ADAM23: variants seen among roughly 807,000 people sequenced by gnomAD.
ADAM23 encodes the protein disintegrin and metalloproteinase domain-containing protein 23.
In ADAM23, 33 loss-of-function variants were observed where a neutral mutation model predicts 120.1. That is an observed-to-expected ratio of 0.27 (90% CI 0.21 to 0.37). The LOEUF (loss-of-function observed/expected upper bound fraction) is 0.37, where lower values mean the gene tolerates loss of function less well. Ranked by LOEUF, ADAM23 falls within the 10% of genes least tolerant of loss-of-function variation. ADAM23 has a pLI of 1.00. For missense variants in ADAM23, 862 were observed against 1,058.2 expected (o/e 0.81, Z 2.57); for synonymous variants, 367 against 375.2 (o/e 0.98, Z 0.25).
intron 3 of ADAM23, among the ~76,000 whole-genome samples, chr2:206,521,274 A>T (rs958459076): frequency 1.3e-5 from 2 of 152,124 alleles, no homozygotes; most frequent in Non-Finnish European, 2.9e-5. Flanking sequence ...TATTCAGGGA[A>T]CATCTGTCTC....
chr2:206,483,552 A>G (rs967171478), intron 3 of ADAM23, among the ~76,000 whole-genome samples: 3 of 152,050 alleles, frequency 2.0e-5, no homozygotes, highest in Non-Finnish European at 2.9e-5. Context: ...AGGTAAGAGG[A>G]GGGGAGAAGA....
chr2:206,549,069 C>A (rs1697459658), intron 8 of ADAM23, among the ~76,000 whole-genome samples: 1 of 151,800 alleles, frequency 6.6e-6, no homozygotes, highest in Non-Finnish European at 1.5e-5. Context: ...AGAATTAATT[C>A]CACAGCTTAT....
chr2:206,484,617 G>C (rs1695968551), intron 3 of ADAM23, among the ~76,000 whole-genome samples: 1 of 152,122 alleles, frequency 6.6e-6, no homozygotes, highest in Non-Finnish European at 1.5e-5. Flanking sequence ...GTCTGGGTTA[G>C]AAGGGAGATG....
chr2:206,545,520 C>T (rs1463815588), intron 6 of ADAM23, among the ~76,000 whole-genome samples: 1 of 152,032 alleles, frequency 6.6e-6, no homozygotes, highest in East Asian at 1.9e-4. Context: ...AATTTTGAAA[C>T]AGCTAACAGT....
chr2:206,475,739 T>C (rs1409068432), intron 2 of ADAM23, among the ~76,000 whole-genome samples: 1 of 152,062 alleles, frequency 6.6e-6, no homozygotes, highest in Non-Finnish European at 1.5e-5. Context: ...AATTTTCAAA[T>C]CTGCCTTCTC....
In ADAM23 at chr2:206,552,328, C is replaced by G. The variant is rs533141048; in HGVS notation, c.933+2168C>G. Reference sequence around the variant, plus strand: ...TAATATATCAGGAAAGTACATGAAGCTATCAATCAAAAGAGCAAATCTCAG... The same window carrying G: ...TAATATATCAGGAAAGTACATGAAGGTATCAATCAAAAGAGCAAATCTCAG... On this transcript the variant is annotated intron_variant, in intron 9 of 25. Coordinates refer to ENST00000264377, the MANE Select transcript of ADAM23 (RefSeq NM_003812.4). Among the ~76,000 whole-genome samples, 20 of 152,218 alleles carry G rather than the reference C, an allele frequency of 1.3e-4. No homozygotes were observed. The South Asian group carries it at 4.1e-3, about 32-fold the overall frequency.
intron 3 of ADAM23, among the ~76,000 whole-genome samples, chr2:206,506,866 C>G (rs1344406076): frequency 1.3e-5 from 2 of 152,166 alleles, no homozygotes; most frequent in Non-Finnish European, 2.9e-5. Context: ...GTTTTCCAAT[C>G]AATCATACTT....
chr2:206,512,020 C>G (rs964464103), intron 3 of ADAM23, among the ~76,000 whole-genome samples: 1 of 152,130 alleles, frequency 6.6e-6, no homozygotes, highest in Non-Finnish European at 1.5e-5. Flanking sequence ...TAGGAACATT[C>G]ACTGAGGTAT....
rs978364601 is a variant in ADAM23, at chr2:206,619,333, T to C, written c.*1706T>C. The stretch of plus-strand genomic sequence containing the variant: ...CTGAGTTTCCTTCACTTTTACTGAT[T>C]TTTTTCTTCTAAATATGGTCAAGAT... On this transcript the variant is annotated 3_prime_UTR_variant, in exon 26 of 26. Coordinates refer to ENST00000264377, the MANE Select transcript of ADAM23 (RefSeq NM_003812.4). 1.3e-5 allele frequency: 2 copies of C among 152,190 alleles called. No homozygotes were observed. The highest frequency in any genetic ancestry group is 4.8e-5 in the African/African-American group (2 of 41,436). The allele number at this position is 152,190 out of a possible 1,614,324, so 9.4% of individuals were successfully genotyped here. A position where few individuals can be genotyped will look rare whatever the true frequency, so the allele number is the denominator to read the frequency against.
intron 3 of ADAM23, 86 bp from the exon 4 acceptor site, chr2:206,530,799 C>G (rs1697043392): frequency 1.8e-6 from 2 of 1,126,870 alleles, no homozygotes; most frequent in East Asian, 4.9e-5. Flanking sequence ...GTTTGCATGC[C>G]CCTCACGTTC....
At chr2:206,594,413 T>C (rs191437238) in intron 22 of ADAM23, among the ~76,000 whole-genome samples, 1 of 152,212 alleles carries the variant, frequency 6.6e-6, no homozygotes, top group African/African-American at 2.4e-5. Flanking sequence ...TATATTTGCT[T>C]CTTTTGTTCT....
intron 3 of ADAM23, among the ~76,000 whole-genome samples, chr2:206,524,623 C>G (rs909157846): frequency 2.6e-5 from 4 of 152,222 alleles, no homozygotes; most frequent in Non-Finnish European, 5.9e-5. Context: ...AAGGGTATGT[C>G]TTACATGGTG....
intron 15 of ADAM23, 146 bp from the exon 16 acceptor site, chr2:206,570,594 C>T: frequency 1.6e-6 from 1 of 608,932 alleles, no homozygotes; most frequent in South Asian, 1.9e-5. Context: ...CCCATACAGT[C>T]ATCATTTATA....
intron 10 of ADAM23, among the ~76,000 whole-genome samples, chr2:206,558,206 A>G (rs1697684928): frequency 6.6e-6 from 1 of 152,206 alleles, no homozygotes. Flanking sequence ...TTATGTTCCA[A>G]TGAATATTTA....
intron 2 of ADAM23, among the ~76,000 whole-genome samples, chr2:206,472,668 A>T (rs1695685846): frequency 6.6e-6 from 1 of 152,000 alleles, no homozygotes; most frequent in South Asian, 2.1e-4. Flanking sequence ...AGAGAGGAAG[A>T]TGAATTTGGA....
At chr2:206,559,145 C>T (rs969376034) in intron 10 of ADAM23, among the ~76,000 whole-genome samples, 7 of 152,088 alleles carry the variant, frequency 4.6e-5, no homozygotes, top group Non-Finnish European at 8.8e-5. Context: ...GGGGTTTCAC[C>T]GTGTTAGCCA....
chr2:206,608,660 A>C (rs1308831796), intron 24 of ADAM23, among the ~76,000 whole-genome samples: 1 of 152,066 alleles, frequency 6.6e-6, no homozygotes, highest in Non-Finnish European at 1.5e-5. Context: ...TCACAAGCCC[A>C]GGAGCCTAAA....
At chr2:206,531,706 A>G (rs1301198928) in intron 4 of ADAM23, among the ~76,000 whole-genome samples, 1 of 152,218 alleles carries the variant, frequency 6.6e-6, no homozygotes, top group Non-Finnish European at 1.5e-5. Context: ...GTGCCACTGA[A>G]CCTGAGCAGT....
At chr2:206,587,137 CCTTA>C (rs1391458967) in intron 18 of ADAM23, among the ~76,000 whole-genome samples, 184 bp from the exon 19 acceptor site, 2 of 152,010 alleles carry the variant, frequency 1.3e-5, no homozygotes, top group East Asian at 1.9e-4. Context: ...ACTGTGTGGC[CCTTA>C]CTTACTTATT....
Sources: gnomAD v4.1 joint callset for allele counts (sites outside exome capture counted in the v4.1 genomes callset) on GRCh38, gnomAD v4.1.1 for gene constraint, MANE v1.5 for transcripts, NCBI Gene and HGNC (gene_info 2026-07-23, HGNC 2026-07-21) for gene names.